The following DBX2 variants were observed in gnomAD, a reference collection of about 807,000 sequenced individuals.
DBX2 encodes the protein developing brain homeobox 2.
In DBX2, 16 loss-of-function variants were observed where a neutral mutation model predicts 17.7. The ratio of observed to expected loss-of-function variants is 0.90; its 90% CI spans 0.61 to 1.37. DBX2 has a LOEUF of 1.37. Among genes scored for constraint, DBX2 ranks in the 40% most tolerant of loss-of-function variants. The probability of loss-of-function intolerance (pLI) is 0.00; values close to 1 mark genes in which losing one functional copy is unlikely to be tolerated. For synonymous variants in DBX2, 255 were observed against 183.8 expected (o/e 1.39, Z -3.13); for missense variants, 538 against 433.8 (o/e 1.24, Z -2.13).
intron 2 of DBX2, among the ~76,000 whole-genome samples, chr12:45,032,676 A>G (rs1459826967): frequency 6.6e-6 from 1 of 152,242 alleles, no homozygotes; most frequent in African/African-American, 2.4e-5. Flanking sequence ...ATATAAGTTC[A>G]TCTCCCAAAA....
In DBX2 at chr12:45,016,483, G is replaced by A; in HGVS notation, c.823C>T (p.Pro275Ser). Residue 275 changes from proline to serine, a missense_variant, in exon 4 of 4, where the codon CCA becomes TCA. Transcript: ENST00000332700. ...LSRSALGFPS[P>S]CPSIWDVPQQ... ...GGGACGTCCCATATTGAAGGACATG[G>A]AGAAGGGAAACCCAGAGCAGACCGT... The A allele has an allele frequency of 6.2e-7, 1 of 1,613,924 alleles. No homozygotes were observed.
chr12:45,047,273 C>T (rs1400207466), intron 1 of DBX2, among the ~76,000 whole-genome samples: 1 of 152,040 alleles, frequency 6.6e-6, no homozygotes, highest in East Asian at 1.9e-4. Flanking sequence ...GGAAGGATGT[C>T]TAATAATCAG....
chr12:45,041,360 C>T lies in DBX2; in HGVS notation c.404-5246G>A, dbSNP rs541159433. 5.9e-5 allele frequency among the ~76,000 whole-genome samples: 9 copies of T among 151,962 alleles called. No homozygotes were observed. The East Asian group carries it at 1.2e-3, about 20-fold the overall frequency. On this transcript the variant is annotated intron_variant, in intron 1 of 3. Coordinates refer to ENST00000332700, the MANE Select transcript of DBX2 (RefSeq NM_001004329.3). ...ACTTGCAAATAATACACAATTGAACCGACAGTCTAGGGTGGAGGGCACCCA... is the reference window on the plus strand; with the variant it reads ...ACTTGCAAATAATACACAATTGAACTGACAGTCTAGGGTGGAGGGCACCCA...
At chr12:45,024,428 C>T (rs930209027) in intron 2 of DBX2, among the ~76,000 whole-genome samples, 3 of 152,170 alleles carry the variant, frequency 2.0e-5, no homozygotes, top group Admixed American at 1.3e-4. Flanking sequence ...CTGATAAATA[C>T]TCTTTGCTCC....
chr12:45,024,208 T>C (rs2137020578), intron 2 of DBX2, among the ~76,000 whole-genome samples: 1 of 152,304 alleles, frequency 6.6e-6, no homozygotes, highest in East Asian at 1.9e-4. Context: ...TTCCCCACTT[T>C]GCTCTGCACT....
chr12:45,037,008 A>G (rs1325061821), intron 1 of DBX2, among the ~76,000 whole-genome samples: 1 of 152,176 alleles, frequency 6.6e-6, no homozygotes, highest in Non-Finnish European at 1.5e-5. Context: ...AGAGAGACCC[A>G]TTTTGGTGGC....
intron 2 of DBX2, among the ~76,000 whole-genome samples, chr12:45,030,152 C>A (rs1946401916): frequency 6.6e-6 from 1 of 152,162 alleles, no homozygotes; most frequent in Non-Finnish European, 1.5e-5. Context: ...TAGTGATCAT[C>A]ATCGCCTCTC....
At chr12:45,047,855 G>T (rs762332466) in intron 1 of DBX2, among the ~76,000 whole-genome samples, 3 of 152,094 alleles carry the variant, frequency 2.0e-5, no homozygotes, top group Non-Finnish European at 4.4e-5. Context: ...AACAAAATGA[G>T]CAAATGAAAT....
At chr12:45,024,005 T>A (rs1157053106) in intron 2 of DBX2, 111 bp from the exon 3 acceptor site, 1 of 1,056,116 alleles carries the variant, frequency 9.5e-7, no homozygotes, top group Non-Finnish European at 1.3e-6. Flanking sequence ...AATGACCTCA[T>A]TTCAACTCTG....
chr12:45,016,810 T>A (rs1946326560), intron 3 of DBX2, among the ~76,000 whole-genome samples, 192 bp from the exon 4 acceptor site: 1 of 152,044 alleles, frequency 6.6e-6, no homozygotes, highest in South Asian at 2.1e-4. Context: ...TATTATTATT[T>A]TTTTTGAGAT....
intron 2 of DBX2, among the ~76,000 whole-genome samples, chr12:45,034,941 G>C (rs141651272): frequency 1.3e-3 from 199 of 152,324 alleles, no homozygotes; most frequent in African/African-American, 4.7e-3. Context: ...TGGATGAGTC[G>C]AGTGAAAGTG....
At chr12:45,040,058 G>T (rs1166533746) in intron 1 of DBX2, among the ~76,000 whole-genome samples, 2 of 152,174 alleles carry the variant, frequency 1.3e-5, no homozygotes, top group Non-Finnish European at 1.5e-5. Flanking sequence ...GGTCCTGGGT[G>T]TGTCTGCAAG....
At chr12:45,020,324 T>C (rs1447776189) in intron 3 of DBX2, among the ~76,000 whole-genome samples, 1 of 152,114 alleles carries the variant, frequency 6.6e-6, no homozygotes, top group African/African-American at 2.4e-5. Context: ...TTTCACTCAG[T>C]ATAATATTTT....
rs368237589 is a variant in DBX2, at chr12:45,022,864, T to G, written c.687+843A>C. Among the ~76,000 whole-genome samples, 8 of 152,280 alleles carry G rather than the reference T, an allele frequency of 5.3e-5. No individual in the cohort carries two copies. In the East Asian group the frequency reaches 1.5e-3, roughly 29 times the overall value. On this transcript the variant is annotated intron_variant, in intron 3 of 3. Transcript: ENST00000332700. ...TCTATGCACAACTGTACATGGTATT[T>G]TTAGGTTAAAGAGAACACAAACTCC...
At chr12:45,040,285 G>A (rs117808514) in intron 1 of DBX2, among the ~76,000 whole-genome samples, 3,133 of 152,116 alleles carry the variant, frequency 0.021, 111 homozygotes, top group East Asian at 0.18. Flanking sequence ...TCAGTTATGG[G>A]ACTCGAACTG....
intron 2 of DBX2, among the ~76,000 whole-genome samples, chr12:45,028,866 C>T (rs1434379593): frequency 1.3e-5 from 2 of 152,132 alleles, no homozygotes; most frequent in Non-Finnish European, 2.9e-5. Flanking sequence ...GCACTGGTCC[C>T]AATACACAAA....
chr12:45,029,342 A>G (rs1247579463), intron 2 of DBX2, among the ~76,000 whole-genome samples: 1 of 152,220 alleles, frequency 6.6e-6, no homozygotes, highest in Non-Finnish European at 1.5e-5. Context: ...AACTACATGC[A>G]TTATGTCATG....
At chr12:45,026,564 C>A (rs1224051986) in intron 2 of DBX2, among the ~76,000 whole-genome samples, 3 of 152,176 alleles carry the variant, frequency 2.0e-5, no homozygotes, top group African/African-American at 7.2e-5. Flanking sequence ...AACAAATGTA[C>A]TAACCCTACA....
At chr12:45,026,886 G>A (rs1641978074) in intron 2 of DBX2, among the ~76,000 whole-genome samples, 1 of 151,982 alleles carries the variant, frequency 6.6e-6, no homozygotes, top group South Asian at 2.1e-4. Context: ...TAGGATGTTG[G>A]TTATTTCCCC....
Sources: gnomAD v4.1 joint callset for allele counts (sites outside exome capture counted in the v4.1 genomes callset) on GRCh38, gnomAD v4.1.1 for gene constraint, MANE v1.5 for transcripts, NCBI Gene and HGNC (gene_info 2026-07-23, HGNC 2026-07-21) for gene names.